The following LGR6 variants were observed in gnomAD, a reference collection of about 807,000 sequenced individuals.
LGR6 encodes leucine rich repeat containing G protein-coupled receptor 6.
In LGR6, 45 loss-of-function variants were observed where a neutral mutation model predicts 69.4. That is an observed-to-expected ratio of 0.65 (90% CI 0.51 to 0.83). The LOEUF is 0.83. LGR6 is among the 40% of genes least tolerant of loss of function. The probability of loss-of-function intolerance (pLI) is 0.00; values close to 1 mark genes in which losing one functional copy is unlikely to be tolerated. For synonymous variants in LGR6, 538 were observed against 555.0 expected, an observed-to-expected ratio of 0.97 and a Z score of 0.43; for missense variants, 1,108 against 1,246.7, an observed-to-expected ratio of 0.89 and a Z score of 1.68.
intron 16 of LGR6, among the ~76,000 whole-genome samples, chr1:202,312,404 A>T (rs1245172817): frequency 6.6e-6 from 1 of 152,186 alleles, no homozygotes; most frequent in African/African-American, 2.4e-5. Flanking sequence ...AGAGGAGGAA[A>T]TGCCAGGACT....
At chr1:202,266,562 G>A (rs1383455488) in intron 4 of LGR6, among the ~76,000 whole-genome samples, 3 of 147,194 alleles carry the variant, frequency 2.0e-5, no homozygotes, top group Non-Finnish European at 3.0e-5. Context: ...GGACCCGCAC[G>A]TTCTTTTCCC....
At chr1:202,313,996 C>T (rs1286862853) in intron 16 of LGR6, among the ~76,000 whole-genome samples, 2 of 152,174 alleles carry the variant, frequency 1.3e-5, no homozygotes, top group Non-Finnish European at 2.9e-5. Context: ...CTGCATTTGC[C>T]CAGTGCCAGA....
intron 1 of LGR6, among the ~76,000 whole-genome samples, chr1:202,202,662 GTTA>G (rs1658877758): frequency 6.6e-6 from 1 of 152,240 alleles, no homozygotes; most frequent in Admixed American, 6.5e-5. Context: ...GGGAGCTATG[GTTA>G]TTATCTATCT....
chr1:202,279,274 A>G (rs761468660), intron 5 of LGR6, among the ~76,000 whole-genome samples: 2 of 152,260 alleles, frequency 1.3e-5, no homozygotes, highest in Non-Finnish European at 2.9e-5. Context: ...CCCTGGGGAC[A>G]GGAGTCTGTC....
chr1:202,223,881 G>C (rs1402069825), intron 1 of LGR6, among the ~76,000 whole-genome samples: 1 of 143,358 alleles, frequency 7.0e-6, no homozygotes, highest in East Asian at 2.2e-4. Flanking sequence ...ACCGGCCTGT[G>C]GGGCTGGGAC....
chr1:202,258,987 A>AT (rs1463327252), intron 4 of LGR6, among the ~76,000 whole-genome samples: 7 of 151,920 alleles, frequency 4.6e-5, no homozygotes, highest in African/African-American at 1.7e-4. Context: ...AATATTTTAC[A>AT]TTTTTTTAAA....
Position 202,263,343 on chromosome 1 carries a change from C to T in LGR6, c.429-12963C>T, listed in dbSNP as rs560911234. Among the ~76,000 whole-genome samples the T allele has an allele frequency of 1.4e-4, 21 of 152,202 alleles. No individual in the cohort carries two copies. The South Asian group carries it at 3.1e-3, about 23-fold the overall frequency. ...TTCACCATGTTGGCCAGGCTGGTCT[C>T]GAACTCCTGACCTCAGGTGATCCTC... On this transcript the variant is annotated intron_variant, in intron 4 of 17. Transcript: ENST00000367278.
intron 6 of LGR6, among the ~76,000 whole-genome samples, chr1:202,288,421 G>A (rs1666554916): frequency 6.6e-6 from 1 of 152,166 alleles, no homozygotes; most frequent in South Asian, 2.1e-4. Flanking sequence ...ACTTGACCCA[G>A]TGCCAGGCAC....
At chr1:202,317,653 G>A (rs912539334) in intron 17 of LGR6, among the ~76,000 whole-genome samples, 3 of 152,256 alleles carry the variant, frequency 2.0e-5, no homozygotes, top group South Asian at 2.1e-4. Context: ...GCCTATATGC[G>A]TTCTATGTTC....
Position 202,319,101 on chromosome 1 carries a change from A to C in LGR6, c.2798A>C (p.Asp933Ala), listed in dbSNP as rs771610096. Reference sequence around the variant, plus strand: ...TTTGGGAACCCCCAACCCTCCATGGATGGAGAACTGCTGCTGAGGGCAGAG... The same window carrying C: ...TTTGGGAACCCCCAACCCTCCATGGCTGGAGAACTGCTGCTGAGGGCAGAG... Reference protein sequence around the residue: ...NHFGNPQPSMDGELLLRAEGS... With the variant: ...NHFGNPQPSMAGELLLRAEGS... Residue 933 changes from aspartate to alanine, a missense_variant, in exon 18 of 18, where the codon GAT becomes GCT. By Grantham distance (126) the Asp-to-Ala change is moderately radical. Transcript: ENST00000367278. 5.6e-6 allele frequency: 9 copies of C among 1,614,060 alleles called. No individual in the cohort carries two copies. In the South Asian group the frequency reaches 6.6e-5, roughly 12 times the overall value.
chr1:202,203,698 G>A (rs1327956653), intron 1 of LGR6: 3 of 984,884 alleles, frequency 3.0e-6, no homozygotes, highest in Non-Finnish European at 4.8e-6. Context: ...CACCCAGGCA[G>A]GGCCAGATAC....
chr1:202,197,118 C>T (rs772466679), intron 1 of LGR6: 17 of 531,332 alleles, frequency 3.2e-5, no homozygotes, highest in African/African-American at 1.3e-4. Flanking sequence ...AGAAGGTACC[C>T]GCAAGTCCTC....
rs115732196 is a variant in LGR6, at chr1:202,264,821, T to C, written c.429-11485T>C. On this transcript the variant is annotated intron_variant, in intron 4 of 17. Coordinates refer to ENST00000367278, the MANE Select transcript of LGR6 (RefSeq NM_001017403.2). Reference sequence around the variant, plus strand: ...GGAATGCTCAGGTATCATCCTTTGATGTATACAAAGGAAGCACTTTCTCTG... The same window carrying C: ...GGAATGCTCAGGTATCATCCTTTGACGTATACAAAGGAAGCACTTTCTCTG... Among the ~76,000 whole-genome samples the C allele has an allele frequency of 9.8e-3, 1,488 of 152,262 alleles. 8 individuals are homozygous for C. Among genetic ancestry groups the C allele is most frequent in the Admixed American group, 0.017 (253 of 15,300 alleles).
At chr1:202,277,408 A>T (rs1403361490) in intron 5 of LGR6, among the ~76,000 whole-genome samples, 2 of 146,276 alleles carry the variant, frequency 1.4e-5, no homozygotes, top group East Asian at 4.4e-4. Flanking sequence ...TGTGGACTAT[A>T]TTCTTCTGTC....
At chr1:202,301,316 G>A in intron 9 of LGR6, 81 bp downstream of exon 9, 4 of 1,213,682 alleles carry the variant, frequency 3.3e-6, no homozygotes, top group South Asian at 2.5e-5. Flanking sequence ...CCTATCGCCT[G>A]CGGATCTCTC....
At chr1:202,290,704 C>G (rs1343980354) in intron 6 of LGR6, among the ~76,000 whole-genome samples, 1 of 152,200 alleles carries the variant, frequency 6.6e-6, no homozygotes, top group African/African-American at 2.4e-5. Context: ...GAAACCCCAT[C>G]TCTACTAAAA....
At chr1:202,278,411 T>A (rs1447194441) in intron 5 of LGR6, among the ~76,000 whole-genome samples, 1 of 151,850 alleles carries the variant, frequency 6.6e-6, no homozygotes, top group East Asian at 1.9e-4. Context: ...GTTATAGATC[T>A]AGGAGAGATT....
At chr1:202,313,801 G>A (rs1328558841) in intron 16 of LGR6, among the ~76,000 whole-genome samples, 4 of 152,042 alleles carry the variant, frequency 2.6e-5, no homozygotes, top group African/African-American at 7.2e-5. Context: ...CAGAGTAATC[G>A]GGATATCCTT....
chr1:202,272,347 A>G (rs904541656), intron 4 of LGR6, among the ~76,000 whole-genome samples: 1 of 152,112 alleles, frequency 6.6e-6, no homozygotes, highest in Admixed American at 6.6e-5. Context: ...CTCATCCCAA[A>G]CACAAACACA....
Sources: gnomAD v4.1 joint callset for allele counts (sites outside exome capture counted in the v4.1 genomes callset) on GRCh38, gnomAD v4.1.1 for gene constraint, MANE v1.5 for transcripts, NCBI Gene and HGNC (gene_info 2026-07-23, HGNC 2026-07-21) for gene names.